The following PCDH9 variants were observed in gnomAD, a reference collection of about 807,000 sequenced individuals.
PCDH9 encodes protocadherin 9.
In PCDH9, 24 loss-of-function variants were observed where a neutral mutation model predicts 70.6. That is an observed-to-expected ratio of 0.34 (90% CI 0.25 to 0.48). The LOEUF (loss-of-function observed/expected upper bound fraction) is 0.48. Among genes scored for constraint, PCDH9 ranks in the 20% least tolerant of loss-of-function variants. PCDH9 has a pLI of 0.99. For synonymous variants in PCDH9, 562 were observed against 558.5 expected (o/e 1.01, Z -0.09); for missense variants, 1,281 against 1,503.6 (o/e 0.85, Z 2.45).
At chr13:66,478,446 C>T (rs553689045) in intron 4 of PCDH9, among the ~76,000 whole-genome samples, 75 of 152,292 alleles carry the variant, frequency 4.9e-4, no homozygotes, top group African/African-American at 1.8e-3. Flanking sequence ...ATGTTGAAGG[C>T]TGAGGCAGGT....
At chr13:66,931,204 TTTTA>T (rs1231615720) in intron 2 of PCDH9, among the ~76,000 whole-genome samples, 1 of 152,186 alleles carries the variant, frequency 6.6e-6, no homozygotes, top group Non-Finnish European at 1.5e-5. Flanking sequence ...TGTTATGTAT[TTTTA>T]TTTATGAGTT....
chr13:66,839,789 T>G (rs922616157), intron 3 of PCDH9, among the ~76,000 whole-genome samples: 12 of 152,144 alleles, frequency 7.9e-5, no homozygotes, highest in Admixed American at 3.9e-4. Context: ...CTATCCCACC[T>G]CCAAACACTT....
intron 3 of PCDH9, among the ~76,000 whole-genome samples, chr13:66,664,574 C>T (rs2078066564): frequency 6.6e-6 from 1 of 151,982 alleles, no homozygotes; most frequent in Non-Finnish European, 1.5e-5. Context: ...AACAGTATGA[C>T]TCCTAGAAAC....
intron 2 of PCDH9, among the ~76,000 whole-genome samples, chr13:66,918,481 G>T (rs1017140474): frequency 1.0e-3 from 156 of 151,156 alleles, no homozygotes; most frequent in African/African-American, 3.7e-3. Flanking sequence ...CTTTATTATT[G>T]TTTTTGATGG....
At chr13:67,182,698 C>T (rs1038649628) in intron 2 of PCDH9, among the ~76,000 whole-genome samples, 2 of 151,966 alleles carry the variant, frequency 1.3e-5, no homozygotes, top group Non-Finnish European at 2.9e-5. Context: ...TTGTTACCAC[C>T]CAGACTTAAG....
intron 2 of PCDH9, among the ~76,000 whole-genome samples, chr13:67,146,017 T>A (rs534591248): frequency 6.6e-6 from 1 of 152,138 alleles, no homozygotes; most frequent in African/African-American, 2.4e-5. Context: ...ATTAATTCTG[T>A]CTGCTATAAA....
At chr13:66,910,075 A>G (rs547409359) in intron 2 of PCDH9, among the ~76,000 whole-genome samples, 1 of 152,044 alleles carries the variant, frequency 6.6e-6, no homozygotes, top group African/African-American at 2.4e-5. Context: ...CCACCTAGAG[A>G]TACCCTTTTG....
chr13:67,065,925 A>G (rs1253651721), intron 2 of PCDH9, among the ~76,000 whole-genome samples: 2 of 152,166 alleles, frequency 1.3e-5, no homozygotes, highest in African/African-American at 4.8e-5. Flanking sequence ...TGAAAGACTA[A>G]GATTAAAAGA....
At chr13:66,982,364 G>A (rs1176897315) in intron 2 of PCDH9, among the ~76,000 whole-genome samples, 1 of 151,928 alleles carries the variant, frequency 6.6e-6, no homozygotes, top group African/African-American at 2.4e-5. Context: ...CCTTATATCC[G>A]CTACTATAAA....
chr13:66,329,108 G>A (rs929734284), intron 4 of PCDH9, among the ~76,000 whole-genome samples: 3 of 152,140 alleles, frequency 2.0e-5, no homozygotes, highest in African/African-American at 7.2e-5. Context: ...AATTTGTAAA[G>A]TTATAGTAGA....
intron 2 of PCDH9, among the ~76,000 whole-genome samples, chr13:66,961,964 T>G (rs1182407871): frequency 6.6e-6 from 1 of 152,000 alleles, no homozygotes; most frequent in Admixed American, 6.6e-5. Flanking sequence ...GACAGGAGAA[T>G]TGCTTGAATC....
chr13:67,002,942 G>C (rs28463845), intron 2 of PCDH9, among the ~76,000 whole-genome samples: 3,158 of 149,816 alleles, frequency 0.021, 101 homozygotes, highest in African/African-American at 0.074. Flanking sequence ...CTATGTCTTG[G>C]GCCTTTCTGT....
intron 2 of PCDH9, among the ~76,000 whole-genome samples, chr13:67,100,229 CATT>C (rs1430283110): frequency 1.3e-5 from 2 of 152,064 alleles, no homozygotes; most frequent in Middle Eastern, 3.4e-3. Flanking sequence ...TTAAAATTCT[CATT>C]ATATTATTGG....
intron 4 of PCDH9, among the ~76,000 whole-genome samples, chr13:66,526,259 A>G (rs1014054775): frequency 1.3e-5 from 2 of 152,130 alleles, no homozygotes. Context: ...GCACAAAGGA[A>G]GAACACCTGA....
At chr13:67,117,635 C>G (rs546017619) in intron 2 of PCDH9, among the ~76,000 whole-genome samples, 4 of 152,086 alleles carry the variant, frequency 2.6e-5, no homozygotes, top group Non-Finnish European at 5.9e-5. Context: ...TGTACCCATG[C>G]TATGAAATTA....
At chr13:66,827,813 A>T (rs1350444032) in intron 3 of PCDH9, among the ~76,000 whole-genome samples, 1 of 152,172 alleles carries the variant, frequency 6.6e-6, no homozygotes, top group Non-Finnish European at 1.5e-5. Context: ...CACCTAGAGG[A>T]TGACCAGGGA....
At chr13:66,344,250 C>T (rs1956178304) in intron 4 of PCDH9, among the ~76,000 whole-genome samples, 1 of 152,090 alleles carries the variant, frequency 6.6e-6, no homozygotes, top group Non-Finnish European at 1.5e-5. Flanking sequence ...TCAAGTGATT[C>T]TCCTGCCTCA....
At chr13:67,068,503 T>C (rs188702400) in intron 2 of PCDH9, among the ~76,000 whole-genome samples, 2 of 152,252 alleles carry the variant, frequency 1.3e-5, no homozygotes, top group East Asian at 3.9e-4. Flanking sequence ...TTATTATATT[T>C]AATCATAATA....
At chr13:67,154,657 T>C (rs1214886043) in intron 2 of PCDH9, among the ~76,000 whole-genome samples, 1 of 144,048 alleles carries the variant, frequency 6.9e-6, no homozygotes, top group East Asian at 2.0e-4. Context: ...TACAAGATAC[T>C]CTCTTTTTTG....
Sources: gnomAD v4.1 joint callset for allele counts (sites outside exome capture counted in the v4.1 genomes callset) on GRCh38, gnomAD v4.1.1 for gene constraint, MANE v1.5 for transcripts, NCBI Gene and HGNC (gene_info 2026-07-23, HGNC 2026-07-21) for gene names.